MTUS2: variants seen among roughly 807,000 people sequenced by gnomAD.
MTUS2 encodes microtubule-associated tumor suppressor candidate 2.
MTUS2 carries 40 observed loss-of-function variants against 114.1 expected under a neutral mutation model. The observed-to-expected ratio is 0.35, with a 90% CI of 0.27 to 0.46. The LOEUF is 0.46. MTUS2 is among the 20% of genes least tolerant of loss of function. MTUS2 has a pLI of 1.00. For missense variants in MTUS2, 1,679 were observed against 1,705.4 expected, an observed-to-expected ratio of 0.98 and a Z score of 0.27; for synonymous variants, 688 against 672.0, an observed-to-expected ratio of 1.02 and a Z score of -0.37.
chr13:28,943,036 A>G (rs747843092), intron 2 of MTUS2, among the ~76,000 whole-genome samples: 11 of 152,224 alleles, frequency 7.2e-5, no homozygotes, highest in Non-Finnish European at 1.3e-4. Flanking sequence ...GCTTGAAAAC[A>G]TAGTTAAAAG....
intron 2 of MTUS2, among the ~76,000 whole-genome samples, chr13:28,939,363 A>G (rs1214463148): frequency 5.3e-5 from 8 of 152,204 alleles, no homozygotes; most frequent in Non-Finnish European, 1.0e-4. Context: ...ATAAAAGGCT[A>G]AATACTCAAG....
chr13:29,040,280 G>T (rs1226065678), intron 4 of MTUS2, among the ~76,000 whole-genome samples: 7 of 152,194 alleles, frequency 4.6e-5, no homozygotes, highest in Non-Finnish European at 8.8e-5. Flanking sequence ...CATCCAGGTT[G>T]CTGCGAATGC....
intron 8 of MTUS2, among the ~76,000 whole-genome samples, chr13:29,386,955 T>G (rs1566170626): frequency 6.6e-6 from 1 of 152,150 alleles, no homozygotes; most frequent in Admixed American, 6.5e-5. Context: ...CTGGGTAGAT[T>G]TACCACTCTA....
intron 2 of MTUS2, among the ~76,000 whole-genome samples, chr13:28,931,942 A>G (rs1424578412): frequency 6.6e-6 from 1 of 152,154 alleles, no homozygotes; most frequent in Non-Finnish European, 1.5e-5. Flanking sequence ...ACCTACACAC[A>G]TCTTCCCATA....
intron 5 of MTUS2, among the ~76,000 whole-genome samples, chr13:29,204,411 G>A (rs1895095204): frequency 6.6e-6 from 1 of 152,192 alleles, no homozygotes. Context: ...TGTAGGCCAG[G>A]TGAGCCTCGG....
At chr13:29,240,648 T>C (rs1896698156) in intron 5 of MTUS2, among the ~76,000 whole-genome samples, 1 of 152,236 alleles carries the variant, frequency 6.6e-6, no homozygotes, top group Non-Finnish European at 1.5e-5. Flanking sequence ...TATAAAAATT[T>C]CAGTGTGTTA....
At chr13:29,050,196 CTCTCCCTTTCTCT>C (rs1887826582) in intron 4 of MTUS2, among the ~76,000 whole-genome samples, 1 of 152,168 alleles carries the variant, frequency 6.6e-6, no homozygotes, top group South Asian at 2.1e-4. Context: ...TTTTCTGTTT[CTCTCCCTTTCTCT>C]TATATACTTT....
intron 7 of MTUS2, among the ~76,000 whole-genome samples, chr13:29,331,891 G>A (rs1900795200): frequency 6.6e-6 from 1 of 152,158 alleles, no homozygotes; most frequent in South Asian, 2.1e-4. Context: ...AACCAGCTTT[G>A]CATCCTAGGG....
intron 4 of MTUS2, among the ~76,000 whole-genome samples, chr13:29,069,480 G>A (rs1888813393): frequency 6.6e-6 from 1 of 152,180 alleles, no homozygotes; most frequent in Non-Finnish European, 1.5e-5. Context: ...AAGGCCATCT[G>A]CTTTCCTCAG....
At position 29,505,462 on chromosome 13, in the gene MTUS2, TG is replaced by T. The variant is rs138664404; in HGVS notation, c.*2257del. 75,726 of 208,138 alleles carry T rather than the reference TG, an allele frequency of 0.36. 11,593 individuals carry two copies. Among genetic ancestry groups the T allele is most frequent in the East Asian group, 0.6 (8,505 of 14,116 alleles). The allele number at this position is 208,138 out of a possible 1,614,324, so 12.9% of individuals were successfully genotyped here. ...CGTGGCCCTGGCTTCGTGGTTTGTTTGTTTTTTTTCTTTTGTTACGGACACC... is the reference window on the plus strand; with the variant it reads ...CGTGGCCCTGGCTTCGTGGTTTGTTTTTTTTTTTCTTTTGTTACGGACACC... On this transcript the variant is annotated 3_prime_UTR_variant, in exon 16 of 16. Transcript: ENST00000612955.
At chr13:28,951,669 C>T (rs1045486338) in intron 2 of MTUS2, among the ~76,000 whole-genome samples, 1 of 151,988 alleles carries the variant, frequency 6.6e-6, no homozygotes, top group Non-Finnish European at 1.5e-5. Flanking sequence ...TGTGGTGGTG[C>T]ACGCCTGTAG....
chr13:29,381,273 A>G (rs1444973045), intron 8 of MTUS2, among the ~76,000 whole-genome samples: 4 of 152,166 alleles, frequency 2.6e-5, no homozygotes, highest in South Asian at 4.1e-4. Flanking sequence ...AAAGTTTGCA[A>G]CTGTGGCAAG....
chr13:29,030,334 T>G (rs1315245992), intron 3 of MTUS2, among the ~76,000 whole-genome samples: 2 of 152,196 alleles, frequency 1.3e-5, no homozygotes, highest in Non-Finnish European at 2.9e-5. Flanking sequence ...TCCCAAAGTC[T>G]TCTTCAAAGA....
intron 10 of MTUS2, among the ~76,000 whole-genome samples, chr13:29,483,590 C>T (rs923937635): frequency 3.3e-5 from 5 of 152,168 alleles, no homozygotes; most frequent in African/African-American, 1.2e-4. Context: ...GGGCCCAGAA[C>T]CGCAAGCATC....
intron 5 of MTUS2, among the ~76,000 whole-genome samples, chr13:29,145,972 A>G (rs1892417554): frequency 6.6e-6 from 1 of 152,206 alleles, no homozygotes; most frequent in African/African-American, 2.4e-5. Context: ...CACCTGACTC[A>G]GCCAACACTC....
At chr13:28,897,141 G>A (rs960806795) in intron 2 of MTUS2, among the ~76,000 whole-genome samples, 4 of 152,122 alleles carry the variant, frequency 2.6e-5, no homozygotes, top group Non-Finnish European at 2.9e-5. Flanking sequence ...GAAAATTTTT[G>A]CAATCTACTC....
intron 5 of MTUS2, among the ~76,000 whole-genome samples, chr13:29,195,919 T>G (rs1256697163): frequency 6.6e-6 from 1 of 152,148 alleles, no homozygotes; most frequent in Non-Finnish European, 1.5e-5. Context: ...AGAAAGCCTG[T>G]GTGCCTGCTG....
intron 7 of MTUS2, among the ~76,000 whole-genome samples, chr13:29,344,094 G>A (rs535259855): frequency 3.9e-4 from 59 of 152,204 alleles, no homozygotes; most frequent in Admixed American, 1.0e-3. Flanking sequence ...CTTGTAGAAT[G>A]TTCCATGTGC....
At chr13:28,841,834 G>A (rs1017369918) in intron 2 of MTUS2, among the ~76,000 whole-genome samples, 2 of 152,052 alleles carry the variant, frequency 1.3e-5, no homozygotes, top group Non-Finnish European at 1.5e-5. Flanking sequence ...TTACAGATGC[G>A]TGCCACCACG....
Sources: allele counts gnomAD v4.1 joint callset (sites outside exome capture counted in the v4.1 genomes callset), GRCh38; gene constraint gnomAD v4.1.1; transcripts MANE v1.5; gene names NCBI Gene and HGNC (gene_info 2026-07-23, HGNC 2026-07-21).